Variants in RBFOX1 observed in about 807,000 individuals in gnomAD.
RBFOX1 encodes RNA binding fox-1 homolog 1.
Under a neutral mutation model 57.7 loss-of-function variants are expected in RBFOX1, and 8 were observed. The observed-to-expected ratio is 0.14, with a 90% CI of 0.08 to 0.25. The LOEUF (loss-of-function observed/expected upper bound fraction) is 0.25. Among genes scored for constraint, RBFOX1 ranks in the 10% least tolerant of loss-of-function variants. The pLI is 1.00. For missense variants in RBFOX1, 611 were observed against 548.5 expected, an observed-to-expected ratio of 1.11 and a Z score of -1.14; for synonymous variants, 326 against 222.4, an observed-to-expected ratio of 1.47 and a Z score of -4.15.
intron 5 of RBFOX1, among the ~76,000 whole-genome samples, chr16:7,555,800 A>G (rs2081628783): frequency 6.6e-6 from 1 of 152,150 alleles, no homozygotes; most frequent in Non-Finnish European, 1.5e-5. Flanking sequence ...AAAGCCATCC[A>G]TTGAAAATGT....
chr16:5,638,304 C>G (rs2151322222), intron 3 of RBFOX1, among the ~76,000 whole-genome samples: 1 of 152,258 alleles, frequency 6.6e-6, no homozygotes, highest in African/African-American at 2.4e-5. Flanking sequence ...GGTTGTACCA[C>G]CACTTTTCTA....
At chr16:7,535,049 T>C (rs950229259) in intron 5 of RBFOX1, among the ~76,000 whole-genome samples, 10 of 152,222 alleles carry the variant, frequency 6.6e-5, no homozygotes, top group Non-Finnish European at 1.3e-4. Flanking sequence ...CTGAGTATAA[T>C]AGGAGCATAA....
At chr16:6,531,938 G>A (rs1482994982) in intron 2 of RBFOX1, among the ~76,000 whole-genome samples, 2 of 152,156 alleles carry the variant, frequency 1.3e-5, no homozygotes, top group Non-Finnish European at 2.9e-5. Flanking sequence ...ATTAGCAGTA[G>A]TCAGTGAGCT....
chr16:6,960,697 C>T (rs1005480049), intron 3 of RBFOX1, among the ~76,000 whole-genome samples: 3 of 152,130 alleles, frequency 2.0e-5, no homozygotes, highest in Admixed American at 6.5e-5. Flanking sequence ...CTGTCTCTGA[C>T]GGGCCCACTC....
intron 3 of RBFOX1, among the ~76,000 whole-genome samples, chr16:6,740,838 C>T (rs1568420916): frequency 6.6e-6 from 1 of 152,108 alleles, no homozygotes; most frequent in African/African-American, 2.4e-5. Context: ...AAAATATCAG[C>T]AGAGTTTTTA....
chr16:7,699,728 G>C (rs1465196594), intron 14 of RBFOX1, among the ~76,000 whole-genome samples: 1 of 151,622 alleles, frequency 6.6e-6, no homozygotes, highest in Admixed American at 6.6e-5. Flanking sequence ...ATAAAAATGA[G>C]TTCACCTTTT....
At chr16:5,752,412 T>A (rs1042342718) in intron 3 of RBFOX1, among the ~76,000 whole-genome samples, 10 of 152,216 alleles carry the variant, frequency 6.6e-5, no homozygotes, top group African/African-American at 2.4e-4. Context: ...AACCTGCACA[T>A]GTATCCTTTA....
At chr16:7,689,079 G>C (rs568966294) in intron 14 of RBFOX1, among the ~76,000 whole-genome samples, 1 of 152,128 alleles carries the variant, frequency 6.6e-6, no homozygotes, top group South Asian at 2.1e-4. Context: ...TCATCTACAA[G>C]ACGAGGATAA....
chr16:6,983,176 C>G (rs555213882), intron 3 of RBFOX1, among the ~76,000 whole-genome samples: 8 of 152,142 alleles, frequency 5.3e-5, no homozygotes, highest in East Asian at 1.9e-4. Context: ...CACCAAGCCT[C>G]TACCCTTTCC....
At chr16:7,553,147 T>C (rs1405453892) in intron 5 of RBFOX1, among the ~76,000 whole-genome samples, 4 of 152,194 alleles carry the variant, frequency 2.6e-5, no homozygotes, top group African/African-American at 4.8e-5. Flanking sequence ...TAAAATTTTA[T>C]TTCTTTCTCT....
intron 3 of RBFOX1, among the ~76,000 whole-genome samples, chr16:5,862,174 G>A (rs77992590): frequency 0.14 from 20,890 of 152,152 alleles, 1,794 homozygotes; most frequent in Non-Finnish European, 0.19. Context: ...ACTCCTTCAG[G>A]GTTTGGGGAT....
chr16:5,720,628 C>G lies in RBFOX1; in HGVS notation c.318+121667C>G, dbSNP rs993302214. Among the ~76,000 whole-genome samples, 12 of 152,134 alleles carry G rather than the reference C, an allele frequency of 7.9e-5. 1 individual carries two copies. Among genetic ancestry groups the G allele is most frequent in the Admixed American group, 6.5e-4 (10 of 15,268 alleles). On this transcript the variant is annotated intron_variant, in intron 3 of 19. Coordinates refer to the RBFOX1 transcript ENST00000641259. ...ATTTTTATCTATGGTGGAAGGAGATCCAACTTCATTCTCTTGTGTGCAGTT... is the reference window on the plus strand; with the variant it reads ...ATTTTTATCTATGGTGGAAGGAGATGCAACTTCATTCTCTTGTGTGCAGTT...
chr16:6,629,973 T>TTAAAA (rs201032968), intron 2 of RBFOX1, among the ~76,000 whole-genome samples: 59 of 129,966 alleles, frequency 4.5e-4, no homozygotes, highest in East Asian at 9.2e-4. Flanking sequence ...TTTTTTTTTT[T>TTAAAA]AAAAAAAAAA....
intron 3 of RBFOX1, among the ~76,000 whole-genome samples, chr16:5,800,156 G>C (rs1041813857): frequency 6.6e-6 from 1 of 152,066 alleles, no homozygotes. Flanking sequence ...AAGCCAGACT[G>C]TTCCAGAAAA....
At position 6,700,433 on chromosome 16, in the gene RBFOX1, G is replaced by A. The variant is rs566923990; in HGVS notation, c.-16+45783G>A. ...AGCACTTTGGGAGGCCGAAGCAGGC[G>A]GATCACCTGAGGTCAGGAGTTGGAG... On this transcript the variant is annotated intron_variant, in intron 3 of 15. Coordinates refer to ENST00000550418, the MANE Select transcript of RBFOX1 (RefSeq NM_018723.4). Among the ~76,000 whole-genome samples, 148 of 152,150 alleles carry A rather than the reference G, an allele frequency of 9.7e-4. 1 individual carries two copies. Among genetic ancestry groups the A allele is most frequent in the African/African-American group, 8.7e-4 (36 of 41,514 alleles).
chr16:6,145,180 C>A (rs373661682), intron 1 of RBFOX1, among the ~76,000 whole-genome samples: 1 of 152,148 alleles, frequency 6.6e-6, no homozygotes, highest in East Asian at 1.9e-4. Flanking sequence ...GATCCTCTCC[C>A]ATTTCCCACC....
chr16:7,003,334 C>A (rs1445474680), intron 3 of RBFOX1, among the ~76,000 whole-genome samples: 1 of 151,862 alleles, frequency 6.6e-6, no homozygotes, highest in Admixed American at 6.6e-5. Flanking sequence ...ATGGTGAGCA[C>A]TTGTAGTCCC....
intron 2 of RBFOX1, among the ~76,000 whole-genome samples, chr16:5,524,895 C>G (rs1408316990): frequency 6.6e-6 from 1 of 152,136 alleles, no homozygotes; most frequent in African/African-American, 2.4e-5. Context: ...GGAGCCTTCT[C>G]TAACTTCCCA....
chr16:5,902,531 C>T (rs1567690909), intron 4 of RBFOX1, among the ~76,000 whole-genome samples: 1 of 152,078 alleles, frequency 6.6e-6, no homozygotes, highest in Non-Finnish European at 1.5e-5. Context: ...TTCTCCCGCG[C>T]CAGCCACCCG....
Sources: allele counts gnomAD v4.1 joint callset (sites outside exome capture counted in the v4.1 genomes callset), GRCh38; gene constraint gnomAD v4.1.1; transcripts MANE v1.5; gene names NCBI Gene and HGNC (gene_info 2026-07-23, HGNC 2026-07-21).